The following PSMD13 variants were observed in gnomAD, a reference collection of about 807,000 sequenced individuals.
The protein encoded by PSMD13 is 26S proteasome non-ATPase regulatory subunit 13.
PSMD13 carries 8 observed loss-of-function variants against 57.4 expected under a neutral mutation model. That is an observed-to-expected ratio of 0.14 (90% CI 0.08 to 0.25). PSMD13 has a LOEUF of 0.25. Ranked by LOEUF, PSMD13 falls within the 10% of genes least tolerant of loss-of-function variation. The probability of loss-of-function intolerance (pLI) is 1.00; values close to 1 mark genes in which losing one functional copy is unlikely to be tolerated. For synonymous variants in PSMD13, 193 were observed against 168.2 expected (o/e 1.15, Z -1.14); for missense variants, 400 against 461.5 (o/e 0.87, Z 1.22).
At chr11:248,573 C>T (rs535180306) in intron 7 of PSMD13, 4 of 572,858 alleles carry the variant, frequency 7.0e-6, no homozygotes, top group African/African-American at 1.9e-5. Context: ...AATGAATGCT[C>T]CTCCCAAAAA....
intron 7 of PSMD13, 75 bp from the exon 8 acceptor site, chr11:248,701 T>TA: frequency 7.2e-7 from 1 of 1,391,786 alleles, no homozygotes; most frequent in Non-Finnish European, 1.0e-6. Context: ...TACTTTTTGT[T>TA]ATATGAGATT....
rs1447712088 is a variant in PSMD13, at chr11:252,675, C to T, written c.*75C>T. The T allele has an allele frequency of 5.1e-6, 7 of 1,382,890 alleles. No homozygotes were observed. The Admixed American group carries it at 6.9e-5, about 14-fold the overall frequency. 85.7% of individuals were successfully genotyped at this position (1,382,890 alleles called of 1,614,324 possible). On this transcript the variant is annotated 3_prime_UTR_variant, in exon 13 of 13. Coordinates refer to ENST00000532097, the MANE Select transcript of PSMD13 (RefSeq NM_002817.4). The surrounding 1 kb of genome is among the most constrained non-coding windows in gnomAD (Gnocchi z 4.1). ...TTTGCAGCCAATGAAGCTGGCTGCT[C>T]AGACGGTCGACATTGAATTTGGGTG...
At position 252,169 on chromosome 11, in the gene PSMD13, G is replaced by T. The variant is rs763217798; in HGVS notation, c.1035+233G>T. ...TGACAATGGCACTGGTTGTGCTGAC[G>T]GTGCCTTTTAATCTTAAGATAGGAG... On this transcript the variant is annotated intron_variant, in intron 12 of 12. Transcript: ENST00000532097. The surrounding 1 kb of genome is among the most constrained non-coding windows in gnomAD (Gnocchi z 4.1). The T allele has an allele frequency of 1.9e-6, 1 of 518,792 alleles. No homozygotes were observed. The highest frequency in any genetic ancestry group is 1.9e-5 in the African/African-American group (1 of 52,554). The allele number at this position is 518,792 out of a possible 1,614,324, so 32.1% of individuals were successfully genotyped here.
intron 6 of PSMD13, among the ~76,000 whole-genome samples, chr11:245,331 A>G (rs1444103755): frequency 3.3e-5 from 5 of 152,098 alleles, no homozygotes; most frequent in African/African-American, 1.2e-4. Context: ...TGCTGATACA[A>G]TGCCTGTTGC....
Position 252,471 on chromosome 11 carries a change from C to T in PSMD13, c.1036-34C>T, listed in dbSNP as rs760066003. 11 of 1,608,364 alleles carry T rather than the reference C, an allele frequency of 6.8e-6. No homozygotes were observed. The highest frequency in any genetic ancestry group is 8.5e-6 in the Non-Finnish European group (10 of 1,175,092). On this transcript the variant is annotated intron_variant, in intron 12 of 12. Transcript: ENST00000532097. The surrounding 1 kb of genome is among the most constrained non-coding windows in gnomAD (Gnocchi z 4.1). Reference sequence around the variant, plus strand: ...CGCTCGGCCTGTGTCTCCTGCGTGTCTTAACGTCCCTTGTGTCCGGATTTC... The same window carrying T: ...CGCTCGGCCTGTGTCTCCTGCGTGTTTTAACGTCCCTTGTGTCCGGATTTC...
chr11:247,688 C>A, intron 7 of PSMD13: 1 of 331,334 alleles, frequency 3.0e-6, no homozygotes, highest in Non-Finnish European at 5.6e-6. Context: ...AAAAAACTAG[C>A]CAGGTGTGAT....
intron 6 of PSMD13, among the ~76,000 whole-genome samples, chr11:245,518 AGTATCC>A (rs1441532513): frequency 6.6e-6 from 1 of 152,116 alleles, no homozygotes; most frequent in Non-Finnish European, 1.5e-5. Context: ...ATGTTGTTGA[AGTATCC>A]TGTCTATTTT....
At chr11:244,530 C>T (rs1178405256) in intron 5 of PSMD13, 61 bp downstream of exon 5, 16 of 1,554,732 alleles carry the variant, frequency 1.0e-5, no homozygotes, top group Non-Finnish European at 1.3e-5. Flanking sequence ...GACTTAACAG[C>T]TTGTGTTCAT....
chr11:244,130 G>A (rs756016250), intron 3 of PSMD13, 31 bp from the exon 4 acceptor site: 20 of 1,606,354 alleles, frequency 1.2e-5, no homozygotes, highest in Non-Finnish European at 1.4e-5. Flanking sequence ...GATGCTCGGC[G>A]GTGCTCAAAG....
chr11:246,082 C>T (rs1202684714), intron 6 of PSMD13, among the ~76,000 whole-genome samples: 4 of 152,142 alleles, frequency 2.6e-5, no homozygotes, highest in African/African-American at 7.2e-5. Context: ...GTGTGTAACT[C>T]AAGCGTTTTA....
rs550320433 is a variant in PSMD13 at position 247,557 on chromosome 11, C to T, written c.568+109C>T. The T allele has an allele frequency of 3.2e-4, 389 of 1,220,254 alleles. 1 individual carries two copies. In the African/African-American group the frequency reaches 3.7e-3, roughly 12 times the overall value. The allele number at this position is 1,220,254 out of a possible 1,614,324, so 75.6% of individuals were successfully genotyped here. A position where few individuals can be genotyped will look rare whatever the true frequency, so the allele number is the denominator to read the frequency against. On this transcript the variant is annotated intron_variant, in intron 7 of 12. Transcript: ENST00000532097. ...CAGAAATTACTAAGGTGGGGCTGGGCACGGTGGCTCACGCCTGTAATCCCA... is the reference window on the plus strand; with the variant it reads ...CAGAAATTACTAAGGTGGGGCTGGGTACGGTGGCTCACGCCTGTAATCCCA...
At chr11:242,216 T>A (rs751958791) in intron 2 of PSMD13, among the ~76,000 whole-genome samples, 2 of 149,276 alleles carry the variant, frequency 1.3e-5, no homozygotes, top group Non-Finnish European at 3.0e-5. Context: ...GACCAGGAGC[T>A]CCTTGAAGAC....
chr11:243,535 T>C (rs932676853), intron 2 of PSMD13: 4 of 340,308 alleles, frequency 1.2e-5, no homozygotes, highest in Non-Finnish European at 1.1e-5. Context: ...GCCTTACTTA[T>C]GGGATTCACC....
At chr11:248,893 G>A in intron 8 of PSMD13, 38 bp downstream of exon 8, 3 of 1,614,134 alleles carry the variant, frequency 1.9e-6, no homozygotes, top group Non-Finnish European at 2.5e-6. Context: ...TAACGAGAGA[G>A]ACTAAAGTGT....
At chr11:241,838 A>T (rs1350027990) in intron 2 of PSMD13, among the ~76,000 whole-genome samples, 1 of 152,172 alleles carries the variant, frequency 6.6e-6, no homozygotes, top group African/African-American at 2.4e-5. Context: ...GCGTGTTTCT[A>T]AAATAGAAAT....
rs756967276 is a variant in PSMD13 at position 247,327 on chromosome 11, A to G, written c.447A>G (p.Thr149=). The G allele has an allele frequency of 9.3e-6, 15 of 1,614,008 alleles. No individual in the cohort carries two copies. In the East Asian group the frequency reaches 2.9e-4, roughly 31 times the overall value. ...EEMLNNLPGV[T]SVHSRFYDLS... ...TGCTCAACAACCTTCCTGGTGTGAC[A>G]TCGGTTCACAGTCGTTTCTATGATC... Residue 149 remains threonine (T), a synonymous_variant, in exon 7 of 13, where the codon ACA becomes ACG. Transcript: ENST00000532097.
At position 247,336 on chromosome 11, in the gene PSMD13, C is replaced by T; in HGVS notation, c.456C>T (p.His152=). 6.2e-7 allele frequency: 1 copy of T among 1,614,150 alleles called. No homozygotes were observed. The highest frequency in any genetic ancestry group is 8.5e-7 in the Non-Finnish European group (1 of 1,179,990). Residue 152 remains histidine (H), a synonymous_variant, in exon 7 of 13, where the codon CAC becomes CAT. Coordinates refer to ENST00000532097, the MANE Select transcript of PSMD13 (RefSeq NM_002817.4). ...LNNLPGVTSV[H]SRFYDLSSKY... is the part of the protein sequence containing the mutation. ...ACCTTCCTGGTGTGACATCGGTTCA[C>T]AGTCGTTTCTATGATCTCTCCAGTA...
intron 1 of PSMD13, among the ~76,000 whole-genome samples, chr11:237,529 C>T (rs1451521586): frequency 6.6e-6 from 1 of 152,222 alleles, no homozygotes; most frequent in South Asian, 2.1e-4. Context: ...AGGGCCACCA[C>T]CCACTTTGGG....
chr11:245,814 G>T (rs559672235), intron 6 of PSMD13, among the ~76,000 whole-genome samples: 15 of 151,996 alleles, frequency 9.9e-5, no homozygotes, highest in Non-Finnish European at 1.6e-4. Context: ...GCCCTGAAAA[G>T]ATACTTTTTA....
Sources: gnomAD v4.1 joint callset for allele counts (sites outside exome capture counted in the v4.1 genomes callset) on GRCh38, gnomAD v4.1.1 for gene constraint, Gnocchi (gnomAD v3.1) non-coding constraint, MANE v1.5 for transcripts, NCBI Gene and HGNC (gene_info 2026-07-23, HGNC 2026-07-21) for gene names.